The following SAE1 variants were observed in gnomAD, a reference collection of about 807,000 sequenced individuals.
SAE1 encodes the protein SUMO1 activating enzyme subunit 1, also known as SUMO-activating enzyme subunit 1.
SAE1 carries 11 observed loss-of-function variants against 40.6 expected under a neutral mutation model. The observed-to-expected ratio is 0.27, with a 90% CI of 0.17 to 0.45. The LOEUF (loss-of-function observed/expected upper bound fraction) is 0.45. Ranked by LOEUF, SAE1 falls within the 20% of genes least tolerant of loss-of-function variation. SAE1 has a pLI of 1.00. For synonymous variants in SAE1, 155 were observed against 154.3 expected (o/e 1.00, Z -0.03); for missense variants, 373 against 427.3 (o/e 0.87, Z 1.12).
At chr19:47,153,321 A>G (rs186156032) in intron 4 of SAE1, among the ~76,000 whole-genome samples, 1 of 152,262 alleles carries the variant, frequency 6.6e-6, no homozygotes, top group East Asian at 1.9e-4. Flanking sequence ...ATTCAACCAA[A>G]GTCTACCTTG....
chr19:47,150,176 TA>T, intron 2 of SAE1, 25 bp from the exon 3 acceptor site: 6 of 1,469,316 alleles, frequency 4.1e-6, no homozygotes, highest in Admixed American at 2.4e-5. Context: ...ATACAAGACT[TA>T]AAAAAATATG....
rs764093442 is a variant in SAE1, at chr19:47,150,191, A to G, written c.211-11A>G. 29 of 1,548,496 alleles carry G rather than the reference A, an allele frequency of 1.9e-5. No homozygotes were observed. Among genetic ancestry groups the G allele is most frequent in the African/African-American group, 5.6e-5 (4 of 71,760 alleles). On this transcript the variant is annotated splice_polypyrimidine_tract_variant and intron_variant, in intron 2 of 8. Transcript: ENST00000270225. ...ATACAAGACTTAAAAAAATATGTGT[A>G]TTATTCCTAGGTAACTCCAGAAGAT... is the stretch of plus-strand genomic sequence containing the variant.
chr19:47,156,699 A>G (rs978907176), intron 5 of SAE1, among the ~76,000 whole-genome samples: 2 of 152,118 alleles, frequency 1.3e-5, no homozygotes, highest in Non-Finnish European at 2.9e-5. Context: ...TTGTATTTTT[A>G]GTAGAGATGG....
intron 6 of SAE1, among the ~76,000 whole-genome samples, chr19:47,178,779 T>C (rs1260647508): frequency 1.3e-5 from 2 of 152,242 alleles, no homozygotes; most frequent in African/African-American, 2.4e-5. Context: ...GCCTGCGTTT[T>C]TCTTTTAAAA....
At chr19:47,186,105 T>C (rs1409949070) in intron 6 of SAE1, among the ~76,000 whole-genome samples, 1 of 151,196 alleles carries the variant, frequency 6.6e-6, no homozygotes, top group Non-Finnish European at 1.5e-5. Context: ...CCAGGTGTAG[T>C]GGTGGGTGCC....
intron 7 of SAE1, among the ~76,000 whole-genome samples, chr19:47,198,161 G>A (rs999276176): frequency 6.6e-6 from 1 of 151,866 alleles, no homozygotes; most frequent in African/African-American, 2.4e-5. Context: ...CCAGGCTGGA[G>A]TGCAATGGCA....
intron 6 of SAE1, among the ~76,000 whole-genome samples, chr19:47,179,192 CA>C (rs1227213780): frequency 4.8e-3 from 347 of 72,228 alleles, no homozygotes; most frequent in Admixed American, 6.7e-3. Context: ...GCTCTGTCTC[CA>C]AAAAAAAAAA....
intron 8 of SAE1, among the ~76,000 whole-genome samples, chr19:47,207,666 C>G (rs889216143): frequency 6.6e-6 from 1 of 152,158 alleles, no homozygotes; most frequent in African/African-American, 2.4e-5. Flanking sequence ...CTCTCTCGCT[C>G]TCTGTTGCCC....
intron 6 of SAE1, among the ~76,000 whole-genome samples, chr19:47,194,611 AGAGACAAGGCTC>A (rs2123305349): frequency 1.3e-5 from 2 of 152,290 alleles, no homozygotes; most frequent in East Asian, 3.9e-4. Flanking sequence ...TATTGTCCTT[AGAGACAAGGCTC>A]GAGACTGGCT....
intron 4 of SAE1, among the ~76,000 whole-genome samples, chr19:47,154,509 T>TTTTTTTTTTTTTG (rs1170158203): frequency 7.9e-6 from 1 of 126,534 alleles, no homozygotes; most frequent in African/African-American, 2.9e-5. Context: ...TTTTTTTTTT[T>TTTTTTTTTTTTTG]TCTGAGACAG....
intron 5 of SAE1, among the ~76,000 whole-genome samples, chr19:47,155,450 C>G (rs1320545311): frequency 2.0e-5 from 3 of 151,964 alleles, no homozygotes; most frequent in Non-Finnish European, 2.9e-5. Context: ...TTTGTAGGCT[C>G]TGTCCCAAAC....
intron 5 of SAE1, among the ~76,000 whole-genome samples, chr19:47,168,891 A>G (rs2058413397): frequency 6.6e-6 from 1 of 152,222 alleles, no homozygotes; most frequent in African/African-American, 2.4e-5. Flanking sequence ...GGCGTGAGCC[A>G]CTGTGCCTGG....
chr19:47,169,358 G>A lies in SAE1; in HGVS notation c.628-460G>A, dbSNP rs543086063. Among the ~76,000 whole-genome samples the A allele has an allele frequency of 4.6e-5, 7 of 152,246 alleles. No homozygotes were observed. The South Asian group carries it at 1.5e-3, about 32-fold the overall frequency. On this transcript the variant is annotated intron_variant, in intron 5 of 8. Transcript: ENST00000270225. Reference sequence around the variant, plus strand: ...CCTCCTGGGTTCAAGCGATTCTCCTGCCTCAGCCTCCCAAGTATCTGGGAC... The same window carrying A: ...CCTCCTGGGTTCAAGCGATTCTCCTACCTCAGCCTCCCAAGTATCTGGGAC...
rs2058702980 is a variant in SAE1, at chr19:47,209,512, G to A, written c.*261G>A. 1 of 582,394 alleles carries A rather than the reference G, an allele frequency of 1.7e-6. No homozygotes were observed. The highest frequency in any genetic ancestry group is 4.6e-4 in the Middle Eastern group (1 of 2,196). 36.1% of individuals were successfully genotyped at this position (582,394 alleles called of 1,614,324 possible). On this transcript the variant is annotated 3_prime_UTR_variant, in exon 9 of 9. Transcript: ENST00000270225. ...ATCCCGGGCCTGCCAGCTCCCCTGA[G>A]TGATGAGCACTTCCAAGCACCCCTC...
At chr19:47,200,655 C>T (rs2058647922) in intron 7 of SAE1, among the ~76,000 whole-genome samples, 1 of 152,072 alleles carries the variant, frequency 6.6e-6, no homozygotes, top group African/African-American at 2.4e-5. Context: ...GATAGACAGG[C>T]GTCAGCCACT....
intron 6 of SAE1, among the ~76,000 whole-genome samples, chr19:47,177,996 A>G (rs1166191897): frequency 6.6e-6 from 1 of 151,796 alleles, no homozygotes; most frequent in Admixed American, 6.6e-5. Context: ...TAATCCCAGC[A>G]CTTTGAGAGA....
At chr19:47,157,727 G>T (rs954558613) in intron 5 of SAE1, among the ~76,000 whole-genome samples, 2 of 152,168 alleles carry the variant, frequency 1.3e-5, no homozygotes, top group Non-Finnish European at 2.9e-5. Flanking sequence ...GAGCTGGAAG[G>T]TATCAAAATA....
chr19:47,174,234 G>T (rs1229284479), intron 6 of SAE1, among the ~76,000 whole-genome samples: 1 of 151,166 alleles, frequency 6.6e-6, no homozygotes, highest in Non-Finnish European at 1.5e-5. Flanking sequence ...GAGTTCCAGG[G>T]CTTTGGATAT....
intron 6 of SAE1, among the ~76,000 whole-genome samples, chr19:47,172,981 G>A (rs1323372384): frequency 1.3e-5 from 2 of 152,022 alleles, no homozygotes; most frequent in African/African-American, 4.8e-5. Context: ...AAAACAAAAT[G>A]GCAGTGCCCA....
Sources: allele counts gnomAD v4.1 joint callset (sites outside exome capture counted in the v4.1 genomes callset), GRCh38; gene constraint gnomAD v4.1.1; transcripts MANE v1.5; gene names NCBI Gene and HGNC (gene_info 2026-07-23, HGNC 2026-07-21).